Variants in PDCD7 observed in about 807,000 individuals in gnomAD.
PDCD7 encodes programmed cell death 7, also known as programmed cell death protein 7.
A neutral mutation model predicts 42.1 loss-of-function variants in PDCD7; 40 were observed. The observed-to-expected ratio is 0.95, with a 90% CI of 0.74 to 1.24. The LOEUF (loss-of-function observed/expected upper bound fraction) is 1.24, where lower values mean the gene tolerates loss of function less well. PDCD7 is among the 50% of genes most tolerant of loss of function. The pLI is 0.00. For synonymous variants in PDCD7, 299 were observed against 303.3 expected, an observed-to-expected ratio of 0.99 and a Z score of 0.15; for missense variants, 644 against 662.8, an observed-to-expected ratio of 0.97 and a Z score of 0.31.
intron 2 of PDCD7, among the ~76,000 whole-genome samples, chr15:65,128,622 C>A (rs1039972448): frequency 6.6e-6 from 1 of 152,196 alleles, no homozygotes; most frequent in Non-Finnish European, 1.5e-5. Context: ...AGAAATAATT[C>A]AGGTTTGAAA....
At chr15:65,125,297 TACTC>T (rs2087486839) in intron 2 of PDCD7, among the ~76,000 whole-genome samples, 1 of 152,158 alleles carries the variant, frequency 6.6e-6, no homozygotes, top group Admixed American at 6.6e-5. Flanking sequence ...CTTCCCCTTC[TACTC>T]ACTCCTCTCA....
chr15:65,123,248 C>T (rs1392273711), intron 2 of PDCD7, among the ~76,000 whole-genome samples: 2 of 152,108 alleles, frequency 1.3e-5, no homozygotes, highest in Admixed American at 1.3e-4. Flanking sequence ...AGTACAGTGG[C>T]GCGATCTCAC....
rs2087419166 is a variant in PDCD7, at chr15:65,117,748, G to C, written c.*969C>G. ...GACAGGGTTTCACCGTGTTAGCCAG[G>C]ATGGCCTTGATCTCCTGACCTCGTG... On this transcript the variant is annotated 3_prime_UTR_variant, in exon 5 of 5. Transcript: ENST00000204549. 1 of 152,224 alleles carries C rather than the reference G, an allele frequency of 6.6e-6. No homozygotes were observed. The highest frequency in any genetic ancestry group is 6.5e-5 in the Admixed American group (1 of 15,278). 9.4% of individuals were successfully genotyped at this position (152,224 alleles called of 1,614,324 possible). A position where few individuals can be genotyped will look rare whatever the true frequency, so the allele number is the denominator to read the frequency against.
chr15:65,119,886 T>C lies in PDCD7; in HGVS notation c.1078A>G (p.Lys360Glu). ...HHLQRLRKLI[K>E]KRSELYEAEE... is the part of the protein sequence containing the mutation. ...GCTTCATACAGTTCAGAGCGCTTTT[T>C]AATGAGTTTTCTCAGTCGCTGAAGA... Residue 360 changes from lysine (K) to glutamate (E), a missense_variant, in exon 3 of 5, where the codon AAA becomes GAA. Lys to Glu is a moderately conservative substitution (Grantham distance 56). Coordinates refer to ENST00000204549, the MANE Select transcript of PDCD7 (RefSeq NM_005707.2). 4 of 1,614,260 alleles carry C rather than the reference T, an allele frequency of 2.5e-6. No homozygotes were observed. Among genetic ancestry groups the C allele is most frequent in the Non-Finnish European group, 3.4e-6 (4 of 1,180,054 alleles).
Position 65,117,980 on chromosome 15 carries a change from G to C in PDCD7, c.*737C>G, listed in dbSNP as rs917420018. ...TTAGGGAAATATCCTTGGGGATTCTGAACAACTAGACCCTTAGAAACTTAA... is the reference window on the plus strand; with the variant it reads ...TTAGGGAAATATCCTTGGGGATTCTCAACAACTAGACCCTTAGAAACTTAA... On this transcript the variant is annotated 3_prime_UTR_variant, in exon 5 of 5. Coordinates refer to ENST00000204549, the MANE Select transcript of PDCD7 (RefSeq NM_005707.2). The C allele has an allele frequency of 8.5e-5, 13 of 152,156 alleles. No homozygotes were observed. The highest frequency in any genetic ancestry group is 3.1e-4 in the African/African-American group (13 of 41,446). 9.4% of individuals were successfully genotyped at this position (152,156 alleles called of 1,614,324 possible). A position where few individuals can be genotyped will look rare whatever the true frequency, so the allele number is the denominator to read the frequency against.
chr15:65,126,472 G>A lies in PDCD7; in HGVS notation c.1009+2560C>T, dbSNP rs530276304. On this transcript the variant is annotated intron_variant, in intron 2 of 4. Coordinates refer to ENST00000204549, the MANE Select transcript of PDCD7 (RefSeq NM_005707.2). ...TTTCCTTCTTAATTAGAATGGTATC[G>A]GCCAGGCACAGTGGCTCACACCCTT... is the stretch of plus-strand genomic sequence containing the variant. Among the ~76,000 whole-genome samples the A allele has an allele frequency of 1.5e-4, 23 of 152,164 alleles. No individual in the cohort carries two copies. The South Asian group carries it at 1.9e-3, about 12-fold the overall frequency.
chr15:65,119,309 T>C, intron 4 of PDCD7, 67 bp downstream of exon 4: 1 of 1,022,176 alleles, frequency 9.8e-7, no homozygotes, highest in Non-Finnish European at 1.5e-6. Context: ...CTAAACAATG[T>C]AAGCACTTCT....
intron 3 of PDCD7, 71 bp from the exon 4 acceptor site, chr15:65,119,534 C>G (rs2087435110): frequency 7.8e-7 from 1 of 1,284,214 alleles, no homozygotes; most frequent in African/African-American, 1.5e-5. Flanking sequence ...GGCAAGGTGA[C>G]TGAGCCTATG....
At chr15:65,118,902 C>T in intron 4 of PDCD7, 62 bp from the exon 5 acceptor site, 16 of 1,266,386 alleles carry the variant, frequency 1.3e-5, no homozygotes, top group Non-Finnish European at 1.7e-5. Flanking sequence ...AGATGTTCAG[C>T]AACTACATAT....
chr15:65,121,053 C>CTTTTTTTTTT, intron 2 of PDCD7, among the ~76,000 whole-genome samples: 1 of 130,158 alleles, frequency 7.7e-6, no homozygotes, highest in Non-Finnish European at 1.7e-5. Context: ...GACTTTCTTT[C>CTTTTTTTTTT]TTTTTTTTTT....
chr15:65,130,770 G>C (rs1053796791), intron 1 of PDCD7, among the ~76,000 whole-genome samples: 5 of 151,938 alleles, frequency 3.3e-5, no homozygotes, highest in African/African-American at 1.2e-4. Flanking sequence ...TTGAACCTGG[G>C]AGGCAGAGGT....
Position 65,133,572 on chromosome 15 carries a change from G to A in PDCD7, c.210C>T (p.Ala70=), listed in dbSNP as rs1243858114. The A allele has an allele frequency of 8.1e-7, 1 of 1,231,154 alleles. No individual in the cohort carries two copies. Among genetic ancestry groups the A allele is most frequent in the Non-Finnish European group, 1.0e-6 (1 of 987,246 alleles). 76.3% of individuals were successfully genotyped at this position (1,231,154 alleles called of 1,614,324 possible). The change falls in exon 1 of 5, where the codon GCC becomes GCT. Residue 70 remains alanine, a synonymous_variant. Transcript: ENST00000204549. ...CGCCAGCGCCGCCTCCGCCGCGGGA[G>A]GCCTCCGCGGAGGCTCGGGGCTGCA... is the stretch of plus-strand genomic sequence containing the variant. ...LALQPRASAE[A]SRGGGGAGAF...
At chr15:65,131,687 T>C (rs1328722620) in intron 1 of PDCD7, among the ~76,000 whole-genome samples, 1 of 152,056 alleles carries the variant, frequency 6.6e-6, no homozygotes, top group Non-Finnish European at 1.5e-5. Context: ...AGGTGGAGGT[T>C]GTGGTGAACC....
intron 2 of PDCD7, among the ~76,000 whole-genome samples, chr15:65,121,059 T>C (rs2087450569): frequency 6.7e-6 from 1 of 150,030 alleles, no homozygotes; most frequent in Non-Finnish European, 1.5e-5. Flanking sequence ...CTTTCTTTTT[T>C]TTTTTTTTTT....
At chr15:65,129,303 C>G in intron 1 of PDCD7, 133 bp from the exon 2 acceptor site, 1 of 1,016,302 alleles carries the variant, frequency 9.8e-7, no homozygotes, top group Non-Finnish European at 1.4e-6. Flanking sequence ...ATCTCCATCC[C>G]AATTTCTTAG....
intron 2 of PDCD7, among the ~76,000 whole-genome samples, chr15:65,121,130 A>C (rs1420933121): frequency 1.4e-5 from 2 of 146,026 alleles, no homozygotes; most frequent in East Asian, 4.0e-4. Flanking sequence ...ATCTCAGCTC[A>C]CTGCAAACTC....
chr15:65,119,501 G>A (rs1326892086), intron 3 of PDCD7, 38 bp from the exon 4 acceptor site: 1 of 1,419,588 alleles, frequency 7.0e-7, no homozygotes, highest in African/African-American at 1.4e-5. Context: ...TATCATGCTT[G>A]ATATCCACAG....
chr15:65,129,328 C>G (rs1264541165), intron 1 of PDCD7, among the ~76,000 whole-genome samples, 158 bp from the exon 2 acceptor site: 1 of 152,164 alleles, frequency 6.6e-6, no homozygotes, highest in Non-Finnish European at 1.5e-5. Flanking sequence ...TGCACAACTC[C>G]CCTCTAGCTA....
intron 2 of PDCD7, among the ~76,000 whole-genome samples, chr15:65,124,434 A>G (rs2087480420): frequency 6.6e-6 from 1 of 151,722 alleles, no homozygotes; most frequent in Non-Finnish European, 1.5e-5. Context: ...TCAAAAAAAA[A>G]AAAGAAAGAA....
Sources: allele counts gnomAD v4.1 joint callset (sites outside exome capture counted in the v4.1 genomes callset), GRCh38; gene constraint gnomAD v4.1.1; transcripts MANE v1.5; gene names NCBI Gene and HGNC (gene_info 2026-07-23, HGNC 2026-07-21).